Variants in RP1 observed in about 807,000 individuals in gnomAD.
RP1 encodes oxygen-regulated protein 1.
RP1 carries 16 observed loss-of-function variants against 14.8 expected under a neutral mutation model. The observed-to-expected ratio is 1.08, with a 90% CI of 0.73 to 1.65. The LOEUF is 1.65. Ranked by LOEUF, RP1 falls within the 40% of genes most tolerant of loss-of-function variation. The pLI is 0.00. For missense variants in RP1, 2,631 were observed against 2,535.0 expected, an observed-to-expected ratio of 1.04 and a Z score of -0.81; for synonymous variants, 876 against 883.6, an observed-to-expected ratio of 0.99 and a Z score of 0.15.
chr8:54,582,463 T>G (rs1332896868), intron 1 of RP1, among the ~76,000 whole-genome samples: 1 of 150,802 alleles, frequency 6.6e-6, no homozygotes, highest in African/African-American at 2.4e-5. Flanking sequence ...TTCTTTTGCC[T>G]TAGGATTGAC....
chr8:54,758,980 G>T (rs771602011), exon 22 of RP1: 9 of 1,535,734 alleles, frequency 5.9e-6, no homozygotes, highest in African/African-American at 2.7e-5. Context: ...GTGCTGTTGC[G>T]CTGTGAGGCC....
At chr8:54,567,957 T>C (rs182872147) in intron 1 of RP1, among the ~76,000 whole-genome samples, 127 of 152,318 alleles carry the variant, frequency 8.3e-4, no homozygotes, top group Admixed American at 1.8e-3. Context: ...CAGACACATA[T>C]ATTTCTTTCT....
At chr8:54,664,751 C>T (rs982213004) in intron 7 of RP1, among the ~76,000 whole-genome samples, 4 of 152,028 alleles carry the variant, frequency 2.6e-5, no homozygotes, top group Non-Finnish European at 5.9e-5. Context: ...GAATAGAAAA[C>T]CAAATACTGT....
chr8:54,755,736 A>T (rs1410061852), exon 21 of RP1: 1 of 1,529,118 alleles, frequency 6.5e-7, no homozygotes, highest in Non-Finnish European at 8.8e-7. Context: ...CAGCTGTACA[A>T]ATCTAACATG....
chr8:54,643,831 C>T (rs1806495127), intron 3 of RP1, among the ~76,000 whole-genome samples: 1 of 152,136 alleles, frequency 6.6e-6, no homozygotes, highest in South Asian at 2.1e-4. Context: ...CTTCCTCTGT[C>T]TCTGTATCTC....
At chr8:54,839,747 G>A (rs1183691470) in intron 25 of RP1, among the ~76,000 whole-genome samples, 4 of 152,112 alleles carry the variant, frequency 2.6e-5, no homozygotes, top group Non-Finnish European at 4.4e-5. Flanking sequence ...TGTTAGAATG[G>A]CACAGAACAC....
intron 24 of RP1, among the ~76,000 whole-genome samples, chr8:54,784,435 G>C (rs891513312): frequency 3.9e-5 from 6 of 152,040 alleles, no homozygotes; most frequent in African/African-American, 1.4e-4. Context: ...ACTAAGTAAT[G>C]TACTATGAAT....
intron 12 of RP1, among the ~76,000 whole-genome samples, chr8:54,699,173 A>C (rs1807950735): frequency 6.6e-6 from 1 of 151,320 alleles, no homozygotes; most frequent in Non-Finnish European, 1.5e-5. Flanking sequence ...CTGTGTATAT[A>C]CGTACATACT....
At chr8:54,678,614 T>C in intron 9 of RP1, 2 of 1,182,496 alleles carry the variant, frequency 1.7e-6, no homozygotes, top group African/African-American at 3.1e-5. Context: ...CTGGGTAACT[T>C]ATTTAGTTGT....
At chr8:54,575,785 C>G (rs994427636) in intron 1 of RP1, among the ~76,000 whole-genome samples, 9 of 152,110 alleles carry the variant, frequency 5.9e-5, no homozygotes, top group African/African-American at 2.2e-4. Flanking sequence ...TCTCCCTCCT[C>G]TCGCACTCTA....
At chr8:54,755,849 C>A (rs988300672) in intron 21 of RP1, 5 of 1,265,376 alleles carry the variant, frequency 4.0e-6, no homozygotes, top group Admixed American at 6.5e-5. Context: ...ATTTAAAAGG[C>A]GTTTGGCACT....
At chr8:54,656,252 C>G in intron 6 of RP1, 1 of 1,519,968 alleles carries the variant, frequency 6.6e-7, no homozygotes, top group Non-Finnish European at 8.8e-7. Context: ...ATGGATAAAA[C>G]TTGTTTGCCT....
At chr8:54,651,859 G>T (rs976916001) in intron 4 of RP1, among the ~76,000 whole-genome samples, 5 of 151,814 alleles carry the variant, frequency 3.3e-5, no homozygotes, top group African/African-American at 7.3e-5. Flanking sequence ...TTAAATGTAG[G>T]TGTATATAGC....
chr8:54,678,188 A>G (rs766680203), intron 8 of RP1, among the ~76,000 whole-genome samples: 1 of 152,190 alleles, frequency 6.6e-6, no homozygotes, highest in Non-Finnish European at 1.5e-5. Context: ...CAGCTACAGA[A>G]TTGTTCTATT....
intron 19 of RP1, among the ~76,000 whole-genome samples, chr8:54,749,308 G>A (rs1013799441): frequency 6.6e-6 from 1 of 151,520 alleles, no homozygotes; most frequent in South Asian, 2.1e-4. Flanking sequence ...TCCAGCCTGG[G>A]CAACAGAGCA....
intron 20 of RP1, chr8:54,755,561 T>C (rs949069360): frequency 6.7e-7 from 1 of 1,500,016 alleles, no homozygotes; most frequent in Non-Finnish European, 9.0e-7. Flanking sequence ...GGGTTCTGTT[T>C]GTATGGATTT....
At chr8:54,768,493 C>A (rs1809819992) in intron 22 of RP1, among the ~76,000 whole-genome samples, 1 of 152,098 alleles carries the variant, frequency 6.6e-6, no homozygotes, top group Non-Finnish European at 1.5e-5. Context: ...AGGGCACTTT[C>A]TAAGTATGTA....
intron 12 of RP1, among the ~76,000 whole-genome samples, chr8:54,696,221 T>C (rs1412584412): frequency 6.6e-6 from 1 of 152,168 alleles, no homozygotes; most frequent in Admixed American, 6.5e-5. Context: ...AATTCCATGC[T>C]AAAAATTGGG....
intron 3 of RP1, 96 bp from the exon 4 acceptor site, chr8:54,624,574 C>CT (rs1353592526): frequency 8.2e-6 from 10 of 1,214,086 alleles, no homozygotes; most frequent in African/African-American, 6.1e-5. Flanking sequence ...TTTTCTCTTT[C>CT]TTTTTTTGCT....
Sources: gnomAD v4.1 joint callset for allele counts (sites outside exome capture counted in the v4.1 genomes callset) on GRCh38, gnomAD v4.1.1 for gene constraint, MANE v1.5 for transcripts, NCBI Gene and HGNC (gene_info 2026-07-23, HGNC 2026-07-21) for gene names.